The following IL13RA1 variants were observed in gnomAD, a reference collection of about 807,000 sequenced individuals.
IL13RA1 encodes interleukin 13 receptor subunit alpha 1, also known as interleukin-13 receptor subunit alpha-1.
A neutral mutation model predicts 33.8 loss-of-function variants in IL13RA1; 14 were observed. The ratio of observed to expected loss-of-function variants is 0.41; its 90% CI spans 0.27 to 0.65. IL13RA1 has a LOEUF of 0.65. Ranked by LOEUF, IL13RA1 falls within the 30% of genes least tolerant of loss-of-function variation. IL13RA1 has a pLI of 0.28. For synonymous variants in IL13RA1, 116 were observed against 115.7 expected (o/e 1.00, Z -0.02); for missense variants, 313 against 327.0 (o/e 0.96, Z 0.33).
chrX:118,772,239 T>G (rs993197194), intron 8 of IL13RA1, among the ~76,000 whole-genome samples: 1 of 112,805 alleles, frequency 8.9e-6, no homozygotes, highest in African/African-American at 3.2e-5. Context: ...TGGCTCAGTC[T>G]TCTTTGTCAT....
chrX:118,791,770 G>A lies in IL13RA1; in HGVS notation c.1200G>A (p.Lys400=). ...GDQNDDTLHW[K]KYDIYEKQTK... is the part of the protein sequence containing the mutation. ...TTTTTCCTCCCTTCTAGCACTGGAA[G>A]AAGTACGACATCTATGAGAAGCAAA... The change falls in exon 11 of 11, where the codon AAG becomes AAA. Residue 400 remains lysine, a synonymous_variant. Transcript: ENST00000371666. The A allele has an allele frequency of 1.0e-6, 1 of 968,438 alleles. No homozygotes were observed. Among genetic ancestry groups the A allele is most frequent in the Non-Finnish European group, 1.5e-6 (1 of 680,512 alleles). The allele number at this position is 968,438 out of a possible 1,213,427, so 79.8% of individuals were successfully genotyped here.
intron 1 of IL13RA1, among the ~76,000 whole-genome samples, chrX:118,733,588 T>C (rs1350063150): frequency 1.8e-5 from 2 of 112,071 alleles, no homozygotes; most frequent in Non-Finnish European, 3.8e-5. Flanking sequence ...CACTTTTTTC[T>C]GTGAATATTT....
chrX:118,762,634 TATA>T (rs1401475508), intron 6 of IL13RA1, among the ~76,000 whole-genome samples: 2 of 111,405 alleles, frequency 1.8e-5, no homozygotes, highest in Non-Finnish European at 3.8e-5. Context: ...TCTGCTGAAA[TATA>T]ATAATCATTA....
At chrX:118,754,056 C>T (rs1017123488) in intron 4 of IL13RA1, among the ~76,000 whole-genome samples, 5 of 112,075 alleles carry the variant, frequency 4.5e-5, no homozygotes, top group African/African-American at 1.3e-4. Flanking sequence ...TTCCATAATC[C>T]CAGAAAGTTC....
chrX:118,765,200 C>T (rs2017633578), intron 6 of IL13RA1, among the ~76,000 whole-genome samples: 1 of 111,080 alleles, frequency 9.0e-6, no homozygotes, highest in African/African-American at 3.3e-5. Context: ...CGGGTTCAAG[C>T]GATTCTCCTG....
At chrX:118,743,739 A>G (rs1266817680) in intron 2 of IL13RA1, among the ~76,000 whole-genome samples, 1 of 111,827 alleles carries the variant, frequency 8.9e-6, no homozygotes, top group Non-Finnish European at 1.9e-5. Flanking sequence ...TAAATTTTCA[A>G]AGGGAATCAG....
At chrX:118,771,188 A>G (rs1390347844) in intron 8 of IL13RA1, among the ~76,000 whole-genome samples, 1 of 111,789 alleles carries the variant, frequency 8.9e-6, no homozygotes, top group Non-Finnish European at 1.9e-5. Context: ...TACCAGAGGA[A>G]GAGATTGAGA....
chrX:118,757,980 C>A, intron 4 of IL13RA1, 75 bp from the exon 5 acceptor site: 1 of 644,564 alleles, frequency 1.6e-6, no homozygotes, highest in Non-Finnish European at 2.4e-6. Context: ...TGTGAGCCAC[C>A]GCGCCCAGCC....
intron 6 of IL13RA1, among the ~76,000 whole-genome samples, chrX:118,764,612 A>G (rs1484086439): frequency 1.8e-5 from 2 of 111,241 alleles, no homozygotes; most frequent in East Asian, 2.8e-4. Context: ...AATAATATCT[A>G]TGTGTTCTGG....
At chrX:118,801,321 T>C in the IL13RA1 span, among the ~76,000 whole-genome samples, 2 of 112,291 alleles carry the variant, frequency 1.8e-5, no homozygotes, top group Non-Finnish European at 3.8e-5. Flanking sequence ...CTTGGTGTTT[T>C]AAATTTTAAT....
At chrX:118,734,215 C>G in intron 1 of IL13RA1, among the ~76,000 whole-genome samples, 1 of 112,289 alleles carries the variant, frequency 8.9e-6, no homozygotes, top group Non-Finnish European at 1.9e-5. Context: ...GTATTGACAT[C>G]TTAACAATAT....
chrX:118,803,854 TTTCCTTCCTTCC>T, the IL13RA1 span, among the ~76,000 whole-genome samples: 8,933 of 69,270 alleles, frequency 0.13, 652 homozygotes, highest in East Asian at 0.24. Flanking sequence ...TGTTTTCTCT[TTTCCTTCCTTCC>T]TTCCTTCCTT....
At chrX:118,795,199 G>A (rs1365704393), downstream of IL13RA1, among the ~76,000 whole-genome samples, 1 of 77,629 alleles carries the variant, frequency 1.3e-5, no homozygotes, top group East Asian at 3.8e-4. Flanking sequence ...GCAACAGAGC[G>A]AGACTCCGTC....
chrX:118,783,886 C>T (rs766207902), intron 10 of IL13RA1, among the ~76,000 whole-genome samples: 1 of 101,967 alleles, frequency 9.8e-6, no homozygotes, highest in South Asian at 4.7e-4. Context: ...CGAGACCAAC[C>T]TGGCCAACAT....
chrX:118,730,894 C>T (rs758145495), intron 1 of IL13RA1, among the ~76,000 whole-genome samples: 16 of 112,104 alleles, frequency 1.4e-4, no homozygotes, highest in Non-Finnish European at 2.3e-4. Context: ...GGAGTTGATG[C>T]CTGAGTGGAT....
intron 10 of IL13RA1, among the ~76,000 whole-genome samples, chrX:118,785,591 G>A (rs1346476567): frequency 2.7e-5 from 3 of 111,037 alleles, no homozygotes; most frequent in Non-Finnish European, 5.7e-5. Flanking sequence ...TATTTTTTGA[G>A]ATGGAGTCTC....
intron 10 of IL13RA1, among the ~76,000 whole-genome samples, chrX:118,784,090 A>AAATATATATAT (rs1556372973): frequency 2.0e-4 from 13 of 63,941 alleles, no homozygotes; most frequent in East Asian, 6.7e-4. Context: ...AAAAAAAAAA[A>AAATATATATAT]ATATATATAT....
intron 4 of IL13RA1, among the ~76,000 whole-genome samples, chrX:118,754,735 A>G (rs1460533673): frequency 9.1e-6 from 1 of 110,089 alleles, no homozygotes; most frequent in Non-Finnish European, 1.9e-5. Context: ...CGTCTCACAG[A>G]ATTAGTACCT....
chrX:118,755,585 CTATAAT>C (rs2147378754), intron 4 of IL13RA1, among the ~76,000 whole-genome samples: 1 of 111,645 alleles, frequency 9.0e-6, no homozygotes, highest in East Asian at 2.8e-4. Flanking sequence ...ATTTTCCCTT[CTATAAT>C]TATTTCTAAA....
Sources: gnomAD v4.1 joint callset for allele counts (sites outside exome capture counted in the v4.1 genomes callset) on GRCh38, gnomAD v4.1.1 for gene constraint, MANE v1.5 for transcripts, NCBI Gene and HGNC (gene_info 2026-07-23, HGNC 2026-07-21) for gene names.